CCDC78: variants seen among roughly 807,000 people sequenced by gnomAD.
The protein encoded by CCDC78 is coiled-coil domain-containing protein 78.
In CCDC78, 78 loss-of-function variants were observed where a neutral mutation model predicts 61.9. That is an observed-to-expected ratio of 1.26 (90% confidence interval 1.05 to 1.52). CCDC78 has a LOEUF of 1.52. CCDC78 is among the 40% of genes most tolerant of loss of function. CCDC78 has a pLI of 0.00. For synonymous variants in CCDC78, 287 were observed against 251.9 expected (o/e 1.14, Z -1.32); for missense variants, 737 against 615.5 (o/e 1.20, Z -2.09).
rs374781686 is a variant in CCDC78 at position 725,167 on chromosome 16, C to T, written c.493-22G>A. 1.3e-5 allele frequency: 21 copies of T among 1,612,460 alleles called. No homozygotes were observed. In the African/African-American group the frequency reaches 2.8e-4, roughly 22 times the overall value. ...GCAGCTGTGGGGCACACAGGGCTGG[C>T]TGGATGAGACCCTAGGCTTGGGGTC... On this transcript the variant is annotated intron_variant, in intron 5 of 13. Coordinates refer to ENST00000345165, the MANE Select transcript of CCDC78 (RefSeq NM_001378030.1).
rs1309569136 is a variant in CCDC78 at position 724,455 on chromosome 16, G to A, written c.820C>T (p.Leu274=). 6 of 1,603,426 alleles carry A rather than the reference G, an allele frequency of 3.7e-6. No homozygotes were observed. Among genetic ancestry groups the A allele is most frequent in the South Asian group, 1.1e-5 (1 of 91,078 alleles). ...APATTALRTF[L]EATLEDIRAA... ...CGGATGTCCTCCAGAGTCGCCTCCA[G>A]GAATGTCCGGAGGGCCGTGGTGGCT... Residue 274 remains leucine, a synonymous_variant, in exon 9 of 14, where the codon CTG becomes TTG. Coordinates refer to ENST00000345165, the MANE Select transcript of CCDC78 (RefSeq NM_001378030.1).
chr16:725,200 C>T (rs1158556256), intron 5 of CCDC78, 37 bp downstream of exon 5: 2 of 1,611,100 alleles, frequency 1.2e-6, no homozygotes, highest in Admixed American at 1.7e-5. Flanking sequence ...GTCTCTGGTG[C>T]TGCCCTCTCC....
In CCDC78 at chr16:724,946, T is replaced by C. The variant is rs1567321075; in HGVS notation, c.604A>G (p.Arg202Gly). Residue 202 changes from arginine to glycine, a missense_variant, in exon 7 of 14, where the codon AGG (arginine) becomes GGG (glycine). Arg to Gly is a moderately radical substitution (Grantham distance 125). Coordinates refer to ENST00000345165, the MANE Select transcript of CCDC78 (RefSeq NM_001378030.1). ...GTGGCCAGTCGCTGCCCGGCTGCCC[T>C]GGCCTCCTCTCGGGCTCCCTGCAGC... Reference protein sequence around the residue: ...RQLQGAREEARAAGQRLATQA... With the variant: ...RQLQGAREEAGAAGQRLATQA... The C allele has an allele frequency of 6.2e-7, 1 of 1,610,508 alleles. No individual in the cohort carries two copies. Among genetic ancestry groups the C allele is most frequent in the Non-Finnish European group, 8.5e-7 (1 of 1,178,980 alleles).
At chr16:726,541 G>A (rs1269817637), upstream of CCDC78, 15 of 696,546 alleles carry the variant, frequency 2.2e-5, no homozygotes, top group Non-Finnish European at 3.3e-5. Flanking sequence ...GCTGAGGAGG[G>A]AGGATAGCTC....
rs765250833 is a variant in CCDC78, at chr16:726,005, G to A, written c.141C>T (p.Val47=). Residue 47 remains valine (V), a synonymous_variant, in exon 2 of 14, where the codon GTC becomes GTT. Transcript: ENST00000345165. ...CCTTATTGAGCGCTAGATCTGGTGGGACCTCTGCTTCCAAGCTGGTGGCCC... is the reference window on the plus strand; with the variant it reads ...CCTTATTGAGCGCTAGATCTGGTGGAACCTCTGCTTCCAAGCTGGTGGCCC... ...AVWATSLEAE[V]PPDLALNKEQ... The A allele has an allele frequency of 2.4e-5, 37 of 1,549,720 alleles. No homozygotes were observed. The Admixed American group carries it at 6.9e-4, about 29-fold the overall frequency.
At position 725,140 on chromosome 16, in the gene CCDC78, C is replaced by A; in HGVS notation, c.498G>T (p.Gln166His). The change falls in exon 6 of 14, where the codon CAG (glutamine) becomes CAT (histidine). Residue 166 changes from glutamine to histidine, a missense_variant. Coordinates refer to ENST00000345165, the MANE Select transcript of CCDC78 (RefSeq NM_001378030.1). ...GCTCCAGCGCCCACTTCACTTCCCC[C>A]TGCAGCTGTGGGGCACACAGGGCTG... ...NEQHRLGSGL[Q>H]GEVKWALEHQ... is the part of the protein sequence containing the mutation. 2 of 1,612,806 alleles carry A rather than the reference C, an allele frequency of 1.2e-6. No individual in the cohort carries two copies. Among genetic ancestry groups the A allele is most frequent in the Middle Eastern group, 1.6e-4 (1 of 6,062 alleles).
At chr16:725,642 T>G in intron 3 of CCDC78, 62 bp from the exon 4 acceptor site, 1 of 1,586,636 alleles carries the variant, frequency 6.3e-7, no homozygotes, top group South Asian at 1.1e-5. Context: ...TAGGTGAACA[T>G]TCACCCGGTG....
chr16:723,609 G>A (rs1211332998), intron 11 of CCDC78: 6 of 691,946 alleles, frequency 8.7e-6, no homozygotes, highest in Non-Finnish European at 1.6e-5. Flanking sequence ...CCTCAGGTGT[G>A]CTCTCCCTGA....
Position 725,802 on chromosome 16 carries a change from T to C in CCDC78, c.259A>G (p.Lys87Glu), listed in dbSNP as rs369915510. 4 of 1,607,562 alleles carry C rather than the reference T, an allele frequency of 2.5e-6. No individual in the cohort carries two copies. Among genetic ancestry groups the C allele is most frequent in the Non-Finnish European group, 3.4e-6 (4 of 1,176,980 alleles). ...TTCACACGGCTGCTCACCTCACTCT[T>C]CAGCTGGAAGATTTCAGCCTCATGC... Reference protein sequence around the residue: ...EQHEAEIFQLKSEILRLESRV... With the variant: ...EQHEAEIFQLESEILRLESRV... The change falls in exon 3 of 14, where the codon AAG becomes GAG. Residue 87 changes from lysine (K) to glutamate (E), a missense_variant. By Grantham distance (56) the Lys-to-Glu change is moderately conservative. Coordinates refer to ENST00000345165, the MANE Select transcript of CCDC78 (RefSeq NM_001378030.1).
intron 9 of CCDC78, 27 bp from the exon 10 acceptor site, chr16:724,232 G>A (rs2151552276): frequency 6.3e-7 from 1 of 1,585,722 alleles, no homozygotes; most frequent in Non-Finnish European, 8.6e-7. Flanking sequence ...GTGTCTGTCT[G>A]GGGCCACTCC....
At position 724,470 on chromosome 16, in the gene CCDC78, C is replaced by T; in HGVS notation, c.805G>A (p.Ala269Thr). 6.2e-7 allele frequency: 1 copy of T among 1,601,554 alleles called. No individual in the cohort carries two copies. Among genetic ancestry groups the T allele is most frequent in the East Asian group, 2.2e-5 (1 of 44,868 alleles). Residue 269 changes from alanine (A) to threonine (T), a missense_variant, in exon 9 of 14, where the codon GCC (alanine) becomes ACC (threonine). Transcript: ENST00000345165. ...GTCGCCTCCAGGAATGTCCGGAGGG[C>T]CGTGGTGGCTGGCGCTTGGCCTGCA... ...DGAGQAPATT[A>T]LRTFLEATLE...
At chr16:724,258 C>T (rs2040600355) in intron 9 of CCDC78, 53 bp from the exon 10 acceptor site, 2 of 1,589,062 alleles carry the variant, frequency 1.3e-6, no homozygotes, top group Non-Finnish European at 1.7e-6. Context: ...CACACCAAGC[C>T]TTTGAGGCAC....
In CCDC78 at chr16:726,000, G is replaced by C; in HGVS notation, c.146C>G (p.Pro49Arg). 6.5e-7 allele frequency: 1 copy of C among 1,550,206 alleles called. No individual in the cohort carries two copies. The highest frequency in any genetic ancestry group is 1.2e-5 in the South Asian group (1 of 84,324). ...WATSLEAEVP[P>R]DLALNKEQQL... Reference sequence around the variant, plus strand: ...CTGCTCCTTATTGAGCGCTAGATCTGGTGGGACCTCTGCTTCCAAGCTGGT... The same window carrying C: ...CTGCTCCTTATTGAGCGCTAGATCTCGTGGGACCTCTGCTTCCAAGCTGGT... The change falls in exon 2 of 14, where the codon CCA (proline) becomes CGA (arginine). Residue 49 changes from proline (P) to arginine (R), a missense_variant. Coordinates refer to ENST00000345165, the MANE Select transcript of CCDC78 (RefSeq NM_001378030.1).
In CCDC78 at chr16:726,337, G is replaced by A; in HGVS notation, c.31C>T (p.Pro11Ser). 1.3e-6 allele frequency: 2 copies of A among 1,545,702 alleles called. No homozygotes were observed. Among genetic ancestry groups the A allele is most frequent in the Non-Finnish European group, 1.7e-6 (2 of 1,146,230 alleles). The change falls in exon 1 of 14, where the codon CCT becomes TCT. Residue 11 changes from proline to serine, a missense_variant. Coordinates refer to ENST00000345165, the MANE Select transcript of CCDC78 (RefSeq NM_001378030.1). ...TCCACCCGCCGAGAGGGAGGTCCAG[G>A]CCTGGGGCCTGTGGTGGCTGCGTGC... MEHAATTGPR[P>S]GPPSRRVENV...
upstream of CCDC78, chr16:726,692 C>CG (rs1410317065): frequency 2.1e-6 from 1 of 483,532 alleles, no homozygotes; most frequent in South Asian, 2.8e-5. Context: ...GAGCGGCAGC[C>CG]CGCCCGCAGG....
At chr16:725,209 C>T (rs372247781) in intron 5 of CCDC78, 28 bp downstream of exon 5, 1 of 1,610,630 alleles carries the variant, frequency 6.2e-7, no homozygotes, top group African/African-American at 1.3e-5. Flanking sequence ...GCTGCCCTCT[C>T]CCCTGAGCTA....
Position 725,561 on chromosome 16 carries a change from C to G in CCDC78, c.287G>C (p.Arg96Pro), listed in dbSNP as rs761306741. ...LKSEILRLES[R>P]VLELELRGDG... is the part of the protein sequence containing the mutation. ...TCCTCGCAGCTCCAGCTCCAGTACC[C>G]GGCTCTCCAGCCGAAGGATCTGTGG... Residue 96 changes from arginine to proline, a missense_variant, in exon 4 of 14, where the codon CGG (arginine) becomes CCG (proline). Transcript: ENST00000345165. 1 of 1,609,598 alleles carries G rather than the reference C, an allele frequency of 6.2e-7. No homozygotes were observed. The highest frequency in any genetic ancestry group is 1.7e-5 in the Admixed American group (1 of 59,806).
In CCDC78 at chr16:724,117, G is replaced by A. The variant is rs761094524; in HGVS notation, c.1042C>T (p.Arg348Trp). Residue 348 changes from arginine to tryptophan, a missense_variant, in exon 10 of 14, where the codon CGG becomes TGG. By Grantham distance (101) the Arg-to-Trp change is moderately radical (BLOSUM62 -3). Transcript: ENST00000345165. ...PVPLVTDFSH[R>W]EDQHGGPGAL... ...GTCTCTAGCCTCACCTGGTCCTCCCGATGGCTGAAGTCAGTGACCAGGGGC... is the reference window on the plus strand; with the variant it reads ...GTCTCTAGCCTCACCTGGTCCTCCCAATGGCTGAAGTCAGTGACCAGGGGC... 2.2e-5 allele frequency: 35 copies of A among 1,595,406 alleles called. No homozygotes were observed. The highest frequency in any genetic ancestry group is 3.0e-5 in the Non-Finnish European group (35 of 1,170,988).
chr16:723,684 G>T (rs1217612620), intron 11 of CCDC78, 173 bp downstream of exon 11: 1 of 709,036 alleles, frequency 1.4e-6, no homozygotes, highest in Non-Finnish European at 2.6e-6. Flanking sequence ...GATTATCAGT[G>T]TCGCCGGGAC....
Sources: allele counts gnomAD v4.1 joint callset, GRCh38; gene constraint gnomAD v4.1.1; transcripts MANE v1.5; gene names NCBI Gene and HGNC (gene_info 2026-07-23, HGNC 2026-07-21).